Variants in SLC7A5 observed in about 807,000 individuals in gnomAD.
SLC7A5 encodes solute carrier family 7 member 5, also known as large neutral amino acids transporter small subunit 1.
Under a neutral mutation model 50.2 loss-of-function variants are expected in SLC7A5, and 23 were observed. The ratio of observed to expected loss-of-function variants is 0.46; its 90% confidence interval spans 0.33 to 0.65. The LOEUF is 0.65. Among genes scored for constraint, SLC7A5 ranks in the 30% least tolerant of loss-of-function variants. SLC7A5 has a pLI of 0.02. For synonymous variants in SLC7A5, 393 were observed against 330.6 expected, an observed-to-expected ratio of 1.19 and a Z score of -2.05; for missense variants, 578 against 684.4, an observed-to-expected ratio of 0.84 and a Z score of 1.73.
In SLC7A5 at chr16:87,850,122, C is replaced by CT. The variant is rs140589373; in HGVS notation, c.664+1601_664+1602insA. On this transcript the variant is annotated intron_variant, in intron 2 of 9. Transcript: ENST00000261622. ...CTCCCCAGCTGCAGCCAGACTTTGT[C>CT]CTAAGGCGAAGTGCCACGTACAGCC... Among the ~76,000 whole-genome samples the CT allele has an allele frequency of 1.3e-3, 199 of 152,316 alleles. 1 individual carries two copies. Among genetic ancestry groups the CT allele is most frequent in the African/African-American group, 4.5e-3 (188 of 41,568 alleles).
At chr16:87,845,878 C>A (rs2143760175) in intron 2 of SLC7A5, among the ~76,000 whole-genome samples, 1 of 152,328 alleles carries the variant, frequency 6.6e-6, no homozygotes, top group Admixed American at 6.5e-5. Context: ...GAGGTGAAGG[C>A]CGCGGGAAAA....
Position 87,836,522 on chromosome 16 carries a change from C to A in SLC7A5, c.1266G>T (p.Lys422Asn), listed in dbSNP as rs769384114. The change falls in exon 8 of 10, where the codon AAG (lysine) becomes AAT (asparagine). Residue 422 changes from lysine (K) to asparagine (N), a missense_variant. Coordinates refer to ENST00000261622, the MANE Select transcript of SLC7A5 (RefSeq NM_003486.7). The stretch of plus-strand genomic sequence containing the variant: ...CCTTGATGGGCCGCTCAAGCTCAGG[C>A]TTTCTGTGGCGCAGCCAGATCATGC... ...IIGMIWLRHR[K>N]PELERPIKVN... The A allele has an allele frequency of 1.1e-5, 18 of 1,612,506 alleles. No homozygotes were observed. The highest frequency in any genetic ancestry group is 8.3e-5 in the Admixed American group (5 of 60,012).
chr16:87,836,618 G>C lies in SLC7A5; in HGVS notation c.1170C>G (p.Ser390=), dbSNP rs778221769. 1.5e-5 allele frequency: 25 copies of C among 1,613,270 alleles called. No homozygotes were observed. The highest frequency in any genetic ancestry group is 1.3e-4 in the East Asian group (6 of 44,896). The change falls in exon 8 of 10, where the codon TCC becomes TCG. Residue 390 remains serine (S), a synonymous_variant. Transcript: ENST00000261622. The stretch of plus-strand genomic sequence containing the variant: ...AGTTGATGACGGAGAAGATGTCCTT[G>C]GAGAAGGCGTAGAGCAGCGTCATCA... The part of the protein sequence containing the change: ...TCVMTLLYAF[S]KDIFSVINFF...
rs1050392675 is a variant in SLC7A5, at chr16:87,852,061, G to T, written c.539-212C>A. ...AACTTCGCAGTCCTTTCAGGTCTAAGGGCTGGATCCCAGGTGCCCCTTAAG... is the reference window on the plus strand; with the variant it reads ...AACTTCGCAGTCCTTTCAGGTCTAATGGCTGGATCCCAGGTGCCCCTTAAG... On this transcript the variant is annotated intron_variant, in intron 1 of 9. Coordinates refer to ENST00000261622, the MANE Select transcript of SLC7A5 (RefSeq NM_003486.7). This position sits in a 1 kb window ranked among gnomAD's most constrained non-coding sequence, Gnocchi z 4.5. Among the ~76,000 whole-genome samples, 1 of 152,088 alleles carries T rather than the reference G, an allele frequency of 6.6e-6. No homozygotes were observed. Among genetic ancestry groups the T allele is most frequent in the African/African-American group, 2.4e-5 (1 of 41,398 alleles).
At chr16:87,847,096 C>T (rs7206431) in intron 2 of SLC7A5, among the ~76,000 whole-genome samples, 5,517 of 152,260 alleles carry the variant, frequency 0.036, 331 homozygotes, top group African/African-American at 0.13. Context: ...CTGCTGGGAG[C>T]GCCTAGAAGC....
At chr16:87,857,319 T>G (rs1394037789) in intron 1 of SLC7A5, among the ~76,000 whole-genome samples, 1 of 151,516 alleles carries the variant, frequency 6.6e-6, no homozygotes, top group Non-Finnish European at 1.5e-5. Context: ...GCCTCCTGAG[T>G]TCAAGCCATT....
intron 2 of SLC7A5, among the ~76,000 whole-genome samples, chr16:87,845,333 G>A (rs1240657554): frequency 6.6e-6 from 1 of 152,230 alleles, no homozygotes; most frequent in Non-Finnish European, 1.5e-5. Flanking sequence ...GCACCCTGGA[G>A]CTAGCTGCCC....
At position 87,841,271 on chromosome 16, in the gene SLC7A5, G is replaced by C; in HGVS notation, c.665-116C>G. On this transcript the variant is annotated intron_variant, in intron 2 of 9. Transcript: ENST00000261622. This position sits in a 1 kb window ranked among gnomAD's most constrained non-coding sequence, Gnocchi z 4.8. ...TAGCAAACAAAAATGCTGGAGTGAA[G>C]GCTTTTCACTGTGACAAATGGTATG... 2.7e-6 allele frequency: 2 copies of C among 728,372 alleles called. No individual in the cohort carries two copies. Among genetic ancestry groups the C allele is most frequent in the Non-Finnish European group, 5.0e-6 (2 of 402,564 alleles). The allele number at this position is 728,372 out of a possible 1,614,324, so 45.1% of individuals were successfully genotyped here.
At chr16:87,867,703 G>C (rs8056637) in intron 1 of SLC7A5, among the ~76,000 whole-genome samples, 42,940 of 151,986 alleles carry the variant, frequency 0.28, 6,236 homozygotes, top group South Asian at 0.33. Context: ...CTATTGAGAT[G>C]CAGGCCGATC....
In SLC7A5 at chr16:87,861,255, G is replaced by A. The variant is rs189923574; in HGVS notation, c.538+7630C>T. Among the ~76,000 whole-genome samples the A allele has an allele frequency of 6.5e-4, 99 of 152,300 alleles. No individual in the cohort carries two copies. The highest frequency in any genetic ancestry group is 2.0e-3 in the Admixed American group (31 of 15,302). On this transcript the variant is annotated intron_variant, in intron 1 of 9. Coordinates refer to ENST00000261622, the MANE Select transcript of SLC7A5 (RefSeq NM_003486.7). This position sits in a 1 kb window ranked among gnomAD's most constrained non-coding sequence, Gnocchi z 4.2. Reference sequence around the variant, plus strand: ...ACCTGGATGTGAGTCTGGGAAGGATGGAGAAGGGTGGAGGAGCGCAAAGGG... The same window carrying A: ...ACCTGGATGTGAGTCTGGGAAGGATAGAGAAGGGTGGAGGAGCGCAAAGGG...
intron 1 of SLC7A5, among the ~76,000 whole-genome samples, chr16:87,864,243 G>A (rs1320772849): frequency 6.6e-6 from 1 of 151,626 alleles, no homozygotes; most frequent in Non-Finnish European, 1.5e-5. Context: ...AGTGAGCCGA[G>A]ATCGTGCCAT....
intron 1 of SLC7A5, among the ~76,000 whole-genome samples, chr16:87,863,986 A>AATATATATAAATATATAT (rs1555516642): frequency 1.2e-5 from 1 of 83,280 alleles, no homozygotes; most frequent in Non-Finnish European, 2.5e-5. Context: ...ATCATTTAAA[A>AATATATATAAATATATAT]ATATATATAT....
At chr16:87,837,496 A>G in intron 7 of SLC7A5, 1 of 307,198 alleles carries the variant, frequency 3.3e-6, no homozygotes, top group South Asian at 4.7e-5. Context: ...ATGCAGGAGA[A>G]GCGGAAGGAA....
rs61164920 is a variant in SLC7A5, at chr16:87,852,638, C to CTG, written c.539-791_539-790dup. Among the ~76,000 whole-genome samples the CTG allele has an allele frequency of 0.088, 10,261 of 116,688 alleles. 388 individuals carry two copies. The highest frequency in any genetic ancestry group is 0.2 in the Middle Eastern group (47 of 240). The allele number at this position is 116,688 out of a possible 152,430, so 76.6% of individuals were successfully genotyped here. A position where few individuals can be genotyped will look rare whatever the true frequency, so the allele number is the denominator to read the frequency against. On this transcript the variant is annotated intron_variant, in intron 1 of 9. Coordinates refer to ENST00000261622, the MANE Select transcript of SLC7A5 (RefSeq NM_003486.7). The surrounding 1 kb of genome is among the most constrained non-coding windows in gnomAD (Gnocchi z 4.5). Reference sequence around the variant, plus strand: ...CTGTAAGGCACCCAGCTCTGAGCCTCTGTGTGTGTGTGTGTGTGTGTGTGT... The same window carrying CTG: ...CTGTAAGGCACCCAGCTCTGAGCCTCTGTGTGTGTGTGTGTGTGTGTGTGTGT...
chr16:87,838,624 A>G, intron 6 of SLC7A5, 90 bp downstream of exon 6: 1 of 1,025,002 alleles, frequency 9.8e-7, no homozygotes, highest in Non-Finnish European at 1.5e-6. Context: ...CCAGTATCAC[A>G]GAGACAAACC....
chr16:87,857,772 AT>A (rs1400498995), intron 1 of SLC7A5, among the ~76,000 whole-genome samples: 3 of 152,192 alleles, frequency 2.0e-5, no homozygotes, highest in Non-Finnish European at 4.4e-5. Context: ...CTGGTGTCAC[AT>A]TTTCAAATTC....
chr16:87,865,408 T>A (rs2055448103), intron 1 of SLC7A5, among the ~76,000 whole-genome samples: 2 of 152,200 alleles, frequency 1.3e-5, no homozygotes, highest in South Asian at 4.1e-4. Context: ...CCAAAAGGAC[T>A]GCTTGGAAAG....
chr16:87,868,906 G>C lies in SLC7A5; in HGVS notation c.517C>G (p.Leu173Val). The C allele has an allele frequency of 6.2e-7, 1 of 1,609,218 alleles. No homozygotes were observed. The highest frequency in any genetic ancestry group is 8.5e-7 in the Non-Finnish European group (1 of 1,178,820). Residue 173 changes from leucine (L) to valine (V), a missense_variant, in exon 1 of 10, where the codon CTC (leucine) becomes GTC (valine). Transcript: ENST00000261622. The stretch of plus-strand genomic sequence containing the variant: ...TCACGCACGCAGAGGCAGGCCACGA[G>C]CTTGGCTGCCTCCTCGGGCACCGGG... ...TCPVPEEAAK[L>V]VACLCVLLLT...
intron 7 of SLC7A5, 99 bp from the exon 8 acceptor site, chr16:87,836,746 G>T: frequency 7.7e-7 from 1 of 1,295,474 alleles, no homozygotes. Context: ...GCTGGGCCCA[G>T]CTGAGCACCA....
Sources: gnomAD v4.1 joint callset for allele counts (sites outside exome capture counted in the v4.1 genomes callset) on GRCh38, gnomAD v4.1.1 for gene constraint, Gnocchi (gnomAD v3.1) non-coding constraint, MANE v1.5 for transcripts, NCBI Gene and HGNC (gene_info 2026-07-23, HGNC 2026-07-21) for gene names.